The following DNAH8 variants were observed in gnomAD, a reference collection of about 807,000 sequenced individuals.
DNAH8 encodes dynein axonemal heavy chain 8.
DNAH8 carries 382 observed loss-of-function variants against 562.1 expected under a neutral mutation model. The observed-to-expected ratio is 0.68, with a 90% CI of 0.63 to 0.74. The LOEUF is 0.74. Ranked by LOEUF, DNAH8 falls within the 30% of genes least tolerant of loss-of-function variation. The pLI is 0.00. For synonymous variants in DNAH8, 1,881 were observed against 1,919.4 expected (o/e 0.98, Z 0.52); for missense variants, 5,203 against 5,620.4 (o/e 0.93, Z 2.37).
chr6:38,914,816 G>A (rs922705139), intron 67 of DNAH8, among the ~76,000 whole-genome samples: 15 of 152,012 alleles, frequency 9.9e-5, no homozygotes, highest in Non-Finnish European at 4.4e-5. Context: ...TGGCATATAT[G>A]GTAAGCACTC....
chr6:38,892,990 C>T (rs1779439371), intron 58 of DNAH8, among the ~76,000 whole-genome samples: 1 of 152,058 alleles, frequency 6.6e-6, no homozygotes, highest in African/African-American at 2.4e-5. Flanking sequence ...TGTCTCCTGG[C>T]CCTGGTTTTT....
intron 75 of DNAH8, among the ~76,000 whole-genome samples, chr6:38,930,671 G>T (rs142699943): frequency 1.3e-5 from 2 of 152,174 alleles, no homozygotes; most frequent in African/African-American, 4.8e-5. Flanking sequence ...TGACTGGCTT[G>T]GATATTATGG....
chr6:38,915,156 T>A, intron 67 of DNAH8, 45 bp from the exon 68 acceptor site: 1 of 1,533,242 alleles, frequency 6.5e-7, no homozygotes, highest in Non-Finnish European at 8.8e-7. Flanking sequence ...TAAATTTTGC[T>A]TGAAAGGTTT....
At chr6:39,014,591 G>A (rs923146174) in intron 91 of DNAH8, among the ~76,000 whole-genome samples, 2 of 152,192 alleles carry the variant, frequency 1.3e-5, no homozygotes, top group Non-Finnish European at 2.9e-5. Flanking sequence ...AGAACTAAGT[G>A]CCATGGTAGC....
chr6:39,009,012 T>C, intron 89 of DNAH8, 42 bp downstream of exon 89: 4 of 1,440,492 alleles, frequency 2.8e-6, no homozygotes, highest in Non-Finnish European at 3.8e-6. Context: ...GGGCTATTTG[T>C]ATATTTAAAC....
At position 38,845,616 on chromosome 6, in the gene DNAH8, A is replaced by G; in HGVS notation, c.4888A>G (p.Lys1630Glu). Residue 1630 changes from lysine to glutamate, a missense_variant, in exon 36 of 93, where the codon AAG becomes GAG. Transcript: ENST00000327475. Reference protein sequence around the residue: ...SAIKEKDIEAKLTQVIENWTN... With the variant: ...SAIKEKDIEAELTQVIENWTN... ...CATTAAGGAGAAGGATATCGAAGCC[A>G]AGCTGACTCAGGTGATTGAGAATTG... 4 of 1,614,000 alleles carry G rather than the reference A, an allele frequency of 2.5e-6. No individual in the cohort carries two copies. The highest frequency in any genetic ancestry group is 3.4e-6 in the Non-Finnish European group (4 of 1,179,888).
chr6:38,815,769 T>C, intron 26 of DNAH8, 112 bp downstream of exon 26: 1 of 1,055,142 alleles, frequency 9.5e-7, no homozygotes, highest in East Asian at 2.7e-5. Context: ...AAAAATAGTA[T>C]GTTTCATCTT....
At chr6:38,887,580 G>A (rs539285713) in intron 57 of DNAH8, among the ~76,000 whole-genome samples, 27 of 152,174 alleles carry the variant, frequency 1.8e-4, no homozygotes, top group African/African-American at 6.0e-4. Flanking sequence ...GGTGGCACAC[G>A]TCTGTAGTCC....
intron 43 of DNAH8, among the ~76,000 whole-genome samples, chr6:38,861,234 A>G (rs1776596823): frequency 6.6e-6 from 1 of 152,230 alleles, no homozygotes; most frequent in East Asian, 1.9e-4. Context: ...AAATTATATC[A>G]AATCACATCT....
Position 38,908,034 on chromosome 6 carries a change from CGCCA to C in DNAH8, c.9428_9431del (p.Arg3143LeufsTer38), listed in dbSNP as rs1780615415. ...TTCAGTGATGAAGAGGGAGCTACCT[CGCCA>C]TCCTCCTACCTTTGATAATTTGTAT... On this transcript the variant is annotated frameshift_variant, in exon 64 of 93. Coordinates refer to ENST00000327475, the MANE Select transcript of DNAH8 (RefSeq NM_001206927.2). LOFTEE classifies it high-confidence loss of function. 1 of 1,612,330 alleles carries C rather than the reference CGCCA, an allele frequency of 6.2e-7. No homozygotes were observed. The highest frequency in any genetic ancestry group is 8.5e-7 in the Non-Finnish European group (1 of 1,179,114).
At chr6:38,909,339 G>C (rs1397076775) in intron 64 of DNAH8, among the ~76,000 whole-genome samples, 179 bp from the exon 65 acceptor site, 1 of 152,198 alleles carries the variant, frequency 6.6e-6, no homozygotes, top group Non-Finnish European at 1.5e-5. Flanking sequence ...GGACAGGGAA[G>C]AGTGTGGAGT....
intron 1 of DNAH8, among the ~76,000 whole-genome samples, chr6:38,715,956 A>ATTTTTTTTTTTTTTTT (rs1562521493): frequency 3.7e-5 from 1 of 27,030 alleles, no homozygotes; most frequent in Admixed American, 5.9e-4. Flanking sequence ...ATATATATAT[A>ATTTTTTTTTTTTTTTT]TATATTTTTT....
At chr6:38,784,844 T>C (rs1427448744) in intron 17 of DNAH8, among the ~76,000 whole-genome samples, 1 of 152,246 alleles carries the variant, frequency 6.6e-6, no homozygotes, top group Non-Finnish European at 1.5e-5. Context: ...TCCGTTCTCT[T>C]AACCATTTAA....
chr6:39,030,056 C>A lies in DNAH8; in HGVS notation c.13837-49C>A, dbSNP rs772391387. 11 of 1,482,882 alleles carry A rather than the reference C, an allele frequency of 7.4e-6. 1 individual carries two copies. The highest frequency in any genetic ancestry group is 1.4e-5 in the African/African-American group (1 of 71,404). 91.9% of individuals were successfully genotyped at this position (1,482,882 alleles called of 1,614,324 possible). Reference sequence around the variant, plus strand: ...ACAGCCTTTATGACTAATTTTGCAGCACCTAGTTTAAAAAATAAATCCTAT... The same window carrying A: ...ACAGCCTTTATGACTAATTTTGCAGAACCTAGTTTAAAAAATAAATCCTAT... On this transcript the variant is annotated intron_variant, in intron 92 of 92. Coordinates refer to ENST00000327475, the MANE Select transcript of DNAH8 (RefSeq NM_001206927.2).
chr6:38,813,558 G>A (rs1419890750), intron 24 of DNAH8, among the ~76,000 whole-genome samples: 1 of 152,194 alleles, frequency 6.6e-6, no homozygotes, highest in African/African-American at 2.4e-5. Context: ...AGCTATGCTA[G>A]CCAGACTAAT....
Position 39,030,273 on chromosome 6 carries a change from A to G in DNAH8, c.14005A>G (p.Ile4669Val), listed in dbSNP as rs768210451. 2.5e-6 allele frequency: 4 copies of G among 1,614,136 alleles called. No individual in the cohort carries two copies. The highest frequency in any genetic ancestry group is 2.5e-6 in the Non-Finnish European group (3 of 1,180,028). Residue 4669 changes from isoleucine to valine, a missense_variant, in exon 93 of 93, where the codon ATT becomes GTT. Coordinates refer to ENST00000327475, the MANE Select transcript of DNAH8 (RefSeq NM_001206927.2). ...GGACCCCAAGCTGTATGTGTGTCCT[A>G]TTTACAAGAAACCCAGGCGAACTGA... ...PKDPKLYVCPIYKKPRRTDLT... is the reference protein window; with the variant it reads ...PKDPKLYVCPVYKKPRRTDLT...
At chr6:38,761,065 A>AT (rs59866789) in intron 10 of DNAH8, among the ~76,000 whole-genome samples, 17,842 of 143,844 alleles carry the variant, frequency 0.12, 1,290 homozygotes, top group Admixed American at 0.21. Context: ...TTTGCTCTTC[A>AT]TTTTTTTTTT....
chr6:38,748,060 C>G (rs936379973), intron 8 of DNAH8, among the ~76,000 whole-genome samples: 1 of 152,112 alleles, frequency 6.6e-6, no homozygotes, highest in African/African-American at 2.4e-5. Flanking sequence ...TGGATTGTTT[C>G]TAGTTTGGGG....
intron 87 of DNAH8, among the ~76,000 whole-genome samples, chr6:38,986,428 AAAT>A (rs1764402875): frequency 6.6e-6 from 1 of 152,210 alleles, no homozygotes; most frequent in Admixed American, 6.5e-5. Context: ...AAGTACACTT[AAAT>A]AGATGCCCTC....
Sources: allele counts gnomAD v4.1 joint callset (sites outside exome capture counted in the v4.1 genomes callset), GRCh38; gene constraint gnomAD v4.1.1; transcripts MANE v1.5; gene names NCBI Gene and HGNC (gene_info 2026-07-23, HGNC 2026-07-21).